Variants in KCMF1 observed in about 807,000 individuals in gnomAD.
The protein encoded by KCMF1 is potassium channel modulatory factor 1.
In KCMF1, 3 loss-of-function variants were observed where a neutral mutation model predicts 41.1. The ratio of observed to expected loss-of-function variants is 0.07; its 90% CI spans 0.03 to 0.19. KCMF1 has a LOEUF of 0.19. KCMF1 is among the 10% of genes least tolerant of loss of function. The probability of loss-of-function intolerance (pLI) is 1.00; values close to 1 mark genes in which losing one functional copy is unlikely to be tolerated. For missense variants in KCMF1, 286 were observed against 488.9 expected (o/e 0.58, Z 3.91); for synonymous variants, 142 against 164.5 (o/e 0.86, Z 1.04).
At chr2:85,046,321 A>C (rs915039453) in intron 5 of KCMF1, 43 bp downstream of exon 5, 2 of 1,534,514 alleles carry the variant, frequency 1.3e-6, no homozygotes, top group Non-Finnish European at 1.8e-6. Context: ...CAGGGGAAGG[A>C]GGAGCTCCTT....
At chr2:85,005,289 T>C (rs1468279771) in intron 1 of KCMF1, among the ~76,000 whole-genome samples, 1 of 151,698 alleles carries the variant, frequency 6.6e-6, no homozygotes, top group Non-Finnish European at 1.5e-5. Context: ...TTTTTATTTA[T>C]TTATTTATTT....
intron 1 of KCMF1, among the ~76,000 whole-genome samples, chr2:84,994,561 A>G (rs1674131625): frequency 6.6e-6 from 1 of 151,888 alleles, no homozygotes. Context: ...GCGCCGCCAC[A>G]CCCAGCTAAT....
intron 3 of KCMF1, among the ~76,000 whole-genome samples, chr2:85,039,434 TA>T (rs971189196): frequency 4.6e-5 from 7 of 150,668 alleles, no homozygotes; most frequent in African/African-American, 9.7e-5. Context: ...CTGTTGTTTT[TA>T]AAAAAAAAAT....
chr2:85,024,884 A>G (rs1299933968), intron 1 of KCMF1, among the ~76,000 whole-genome samples: 3 of 152,086 alleles, frequency 2.0e-5, no homozygotes, highest in Admixed American at 6.6e-5. Context: ...ACAGATTTCA[A>G]CATCTGTTTC....
chr2:84,990,978 T>C (rs778019824), intron 1 of KCMF1, among the ~76,000 whole-genome samples: 8 of 152,110 alleles, frequency 5.3e-5, no homozygotes, highest in Non-Finnish European at 1.0e-4. Flanking sequence ...ACCACTTGTG[T>C]TCGAGATCAT....
intron 4 of KCMF1, 37 bp downstream of exon 4, chr2:85,043,702 T>C (rs1174708532): frequency 7.3e-7 from 1 of 1,363,632 alleles, no homozygotes; most frequent in Non-Finnish European, 1.0e-6. Context: ...AAGAGTTGTT[T>C]GTAATGTTTG....
At chr2:85,049,909 A>G (rs1675767519) in intron 6 of KCMF1, among the ~76,000 whole-genome samples, 1 of 152,158 alleles carries the variant, frequency 6.6e-6, no homozygotes, top group South Asian at 2.1e-4. Context: ...CTGTAATCCC[A>G]GCACTTTGGG....
In KCMF1 at chr2:85,011,055, G is replaced by A. The variant is rs35098519; in HGVS notation, c.17-16834G>A. Among the ~76,000 whole-genome samples the A allele has an allele frequency of 2.0e-3, 302 of 152,226 alleles. 2 individuals are homozygous for A. Among genetic ancestry groups the A allele is most frequent in the African/African-American group, 7.0e-3 (292 of 41,548 alleles). On this transcript the variant is annotated intron_variant, in intron 1 of 6. Coordinates refer to ENST00000409785, the MANE Select transcript of KCMF1 (RefSeq NM_020122.5). The stretch of plus-strand genomic sequence containing the variant: ...AGTGGGGTTTCACCGTGTTGGCCAT[G>A]ATGGTCTCGATCTCTTGACCTTGTG...
chr2:85,056,354 T>C lies in KCMF1; in HGVS notation c.*2945T>C, dbSNP rs1301051426. 6.6e-6 allele frequency: 1 copy of C among 152,096 alleles called. No homozygotes were observed. The highest frequency in any genetic ancestry group is 1.5e-5 in the Non-Finnish European group (1 of 68,028). 9.4% of individuals were successfully genotyped at this position (152,096 alleles called of 1,614,324 possible). A position where few individuals can be genotyped will look rare whatever the true frequency, so the allele number is the denominator to read the frequency against. ...GAAATTTCAATAATATGCTGACAGATTTTCAAAGGTCACCAAGGCTTTTGT... is the reference window on the plus strand; with the variant it reads ...GAAATTTCAATAATATGCTGACAGACTTTCAAAGGTCACCAAGGCTTTTGT... On this transcript the variant is annotated 3_prime_UTR_variant, in exon 7 of 7. Coordinates refer to ENST00000409785, the MANE Select transcript of KCMF1 (RefSeq NM_020122.5).
chr2:85,040,463 C>G (rs1404801972), intron 3 of KCMF1, among the ~76,000 whole-genome samples: 1 of 152,140 alleles, frequency 6.6e-6, no homozygotes, highest in African/African-American at 2.4e-5. Flanking sequence ...CCTCCCACTC[C>G]CCACCACCTC....
At chr2:85,051,369 G>C (rs1024691235) in intron 6 of KCMF1, among the ~76,000 whole-genome samples, 1 of 151,970 alleles carries the variant, frequency 6.6e-6, no homozygotes, top group African/African-American at 2.4e-5. Context: ...ACAGAACTGT[G>C]GGTGGAATGT....
chr2:85,011,110 G>C (rs775500684), intron 1 of KCMF1, among the ~76,000 whole-genome samples: 2 of 152,050 alleles, frequency 1.3e-5, no homozygotes, highest in African/African-American at 2.4e-5. Context: ...CAAAGTGCTT[G>C]GATTACAGAC....
intron 3 of KCMF1, among the ~76,000 whole-genome samples, chr2:85,036,888 A>G (rs763309545): frequency 6.6e-6 from 1 of 150,506 alleles, no homozygotes; most frequent in Admixed American, 6.6e-5. Flanking sequence ...ATATTTTGTT[A>G]TTATTATCAG....
intron 1 of KCMF1, among the ~76,000 whole-genome samples, chr2:85,006,956 A>C (rs1674486221): frequency 6.6e-6 from 1 of 151,752 alleles, no homozygotes; most frequent in African/African-American, 2.4e-5. Context: ...TAAAAATACA[A>C]AATTAGCCAG....
chr2:84,994,215 T>C (rs1022804097), intron 1 of KCMF1, among the ~76,000 whole-genome samples: 4 of 152,174 alleles, frequency 2.6e-5, no homozygotes. Context: ...CCCAAAGTGC[T>C]GGGATTACAG....
chr2:85,020,359 T>C (rs1674900152), intron 1 of KCMF1, among the ~76,000 whole-genome samples: 1 of 152,218 alleles, frequency 6.6e-6, no homozygotes, highest in Admixed American at 6.5e-5. Flanking sequence ...TAAATAGATA[T>C]CATAGGTATC....
chr2:85,037,536 T>C (rs1386190954), intron 3 of KCMF1, among the ~76,000 whole-genome samples: 1 of 152,224 alleles, frequency 6.6e-6, no homozygotes, highest in Non-Finnish European at 1.5e-5. Context: ...GCTACAGTTA[T>C]ATGTAAATGT....
intron 1 of KCMF1, among the ~76,000 whole-genome samples, chr2:85,007,157 C>T (rs1317385400): frequency 2.6e-5 from 4 of 151,050 alleles, no homozygotes; most frequent in African/African-American, 4.9e-5. Context: ...TCCATATCCA[C>T]TAACTGGATC....
In KCMF1 at chr2:85,055,814, C is replaced by T. The variant is rs963741213; in HGVS notation, c.*2405C>T. The T allele has an allele frequency of 1.4e-4, 21 of 152,074 alleles. No homozygotes were observed. Among genetic ancestry groups the T allele is most frequent in the Admixed American group, 3.9e-4 (6 of 15,272 alleles). The allele number at this position is 152,074 out of a possible 1,614,324, so 9.4% of individuals were successfully genotyped here. Reference sequence around the variant, plus strand: ...ATGGAGACAAAATCAAAATATACCACTGTTTATTTTGGCAGCACCTTCAAA... The same window carrying T: ...ATGGAGACAAAATCAAAATATACCATTGTTTATTTTGGCAGCACCTTCAAA... On this transcript the variant is annotated 3_prime_UTR_variant, in exon 7 of 7. Transcript: ENST00000409785.
Sources: allele counts gnomAD v4.1 joint callset (sites outside exome capture counted in the v4.1 genomes callset), GRCh38; gene constraint gnomAD v4.1.1; transcripts MANE v1.5; gene names NCBI Gene and HGNC (gene_info 2026-07-23, HGNC 2026-07-21).